The following RFTN2 variants were observed in gnomAD, a reference collection of about 807,000 sequenced individuals.
RFTN2 encodes the protein raftlin family member 2.
A neutral mutation model predicts 52.7 loss-of-function variants in RFTN2; 34 were observed. The observed-to-expected ratio is 0.64, with a 90% CI of 0.49 to 0.86. RFTN2 has a LOEUF of 0.86. Ranked by LOEUF, RFTN2 falls within the 40% of genes least tolerant of loss-of-function variation. The probability of loss-of-function intolerance (pLI) is 0.00; values close to 1 mark genes in which losing one functional copy is unlikely to be tolerated. For synonymous variants in RFTN2, 203 were observed against 217.7 expected, an observed-to-expected ratio of 0.93 and a Z score of 0.59; for missense variants, 536 against 600.1, an observed-to-expected ratio of 0.89 and a Z score of 1.12.
At chr2:197,608,225 G>A (rs1407570411) in intron 7 of RFTN2, among the ~76,000 whole-genome samples, 1 of 152,040 alleles carries the variant, frequency 6.6e-6, no homozygotes, top group South Asian at 2.1e-4. Context: ...AGGGGCTGCA[G>A]AAAATGGAAG....
Position 197,615,952 on chromosome 2 carries a change from G to T in RFTN2, c.1078C>A (p.Pro360Thr). Residue 360 changes from proline to threonine, a missense_variant, in exon 7 of 9, where the codon CCT becomes ACT. Transcript: ENST00000295049. ...EGCEIKTDYG[P>T]LLHTLAEFGW... ...AATTCAGCCAGAGTGTGCAGCAGAG[G>T]GCCATAATCTGTTTTGATTTCACAT... 1 of 1,557,114 alleles carries T rather than the reference G, an allele frequency of 6.4e-7. No homozygotes were observed. Among genetic ancestry groups the T allele is most frequent in the Non-Finnish European group, 8.7e-7 (1 of 1,148,738 alleles).
chr2:197,646,700 T>G (rs750731204), intron 1 of RFTN2, 34 bp from the exon 2 acceptor site: 1 of 1,504,274 alleles, frequency 6.6e-7, no homozygotes, highest in South Asian at 1.2e-5. Flanking sequence ...AATTTGCATA[T>G]TCTTAAGATT....
chr2:197,611,929 A>G (rs1431424747), intron 7 of RFTN2, among the ~76,000 whole-genome samples: 4 of 152,152 alleles, frequency 2.6e-5, no homozygotes, highest in South Asian at 2.1e-4. Context: ...GTTTTGAGTG[A>G]GTTTCTTAAT....
In RFTN2 at chr2:197,617,870, CCTT is replaced by C. The variant is rs768451395; in HGVS notation, c.977_979del (p.Glu326del). 4.2e-5 allele frequency: 67 copies of C among 1,608,610 alleles called. No homozygotes were observed. The Middle Eastern group carries it at 5.0e-4, about 12-fold the overall frequency. ...CCTACTAGAACCTGGAACTCCAGAA[CCTT>C]CTTCTTCATAGATAAAAAATCCTTC... On this transcript the variant is annotated inframe_deletion, in exon 6 of 9. Transcript: ENST00000295049.
chr2:197,616,904 C>T (rs2088154410), intron 6 of RFTN2, among the ~76,000 whole-genome samples: 1 of 152,006 alleles, frequency 6.6e-6, no homozygotes, highest in Non-Finnish European at 1.5e-5. Flanking sequence ...TAAAAGTATC[C>T]CTGAAACAGC....
intron 7 of RFTN2, among the ~76,000 whole-genome samples, chr2:197,599,361 C>G (rs1335988244): frequency 1.3e-5 from 2 of 152,176 alleles, no homozygotes; most frequent in Non-Finnish European, 2.9e-5. Context: ...CCAATTTATT[C>G]CTGACCTGAC....
intron 8 of RFTN2, among the ~76,000 whole-genome samples, chr2:197,590,945 G>C (rs536349310): frequency 2.6e-5 from 4 of 152,302 alleles, no homozygotes; most frequent in Admixed American, 1.3e-4. Flanking sequence ...GGGAAGACGA[G>C]CCCAGCAGGT....
intron 3 of RFTN2, among the ~76,000 whole-genome samples, chr2:197,635,010 GT>G (rs745403914): frequency 8.6e-5 from 13 of 150,686 alleles, no homozygotes; most frequent in Non-Finnish European, 1.6e-4. Context: ...TCTTGCGATA[GT>G]TTACTAAGAA....
rs1268783567 is a variant in RFTN2, at chr2:197,617,915, T to C, written c.935A>G (p.His312Arg). The C allele has an allele frequency of 6.2e-7, 1 of 1,603,692 alleles. No homozygotes were observed. Among genetic ancestry groups the C allele is most frequent in the Non-Finnish European group, 8.5e-7 (1 of 1,174,738 alleles). The change falls in exon 6 of 9, where the codon CAT becomes CGT. Residue 312 changes from histidine to arginine, a missense_variant. Physicochemically the swap from His to Arg is conservative, Grantham distance 29. Coordinates refer to ENST00000295049, the MANE Select transcript of RFTN2 (RefSeq NM_144629.3). The part of the protein sequence containing the change: ...FVFWETSKGE[H>R]LPKSLEGFFI... ...AAATCCTTCCAAAGATTTAGGCAAA[T>C]GTTCCCCTGTGAGGAAGAGGGTACA...
chr2:197,664,243 T>C (rs1163514893), intron 1 of RFTN2, among the ~76,000 whole-genome samples: 2 of 151,836 alleles, frequency 1.3e-5, no homozygotes, highest in Admixed American at 1.3e-4. Context: ...GAGGCTGAGG[T>C]GGGCAGATTG....
At chr2:197,640,737 A>G (rs2088658961) in intron 3 of RFTN2, among the ~76,000 whole-genome samples, 1 of 152,012 alleles carries the variant, frequency 6.6e-6, no homozygotes, top group South Asian at 2.1e-4. Context: ...AGCTGTTCCT[A>G]TTCGGCCATC....
chr2:197,658,575 CT>C (rs1401481791), intron 1 of RFTN2, among the ~76,000 whole-genome samples: 1 of 152,044 alleles, frequency 6.6e-6, no homozygotes, highest in Non-Finnish European at 1.5e-5. Context: ...GCATGAACCT[CT>C]GTGCCTGGCC....
At chr2:197,578,036 A>G (rs1476865479) in intron 8 of RFTN2, among the ~76,000 whole-genome samples, 1 of 152,164 alleles carries the variant, frequency 6.6e-6, no homozygotes, top group Non-Finnish European at 1.5e-5. Context: ...TCATTCTTGA[A>G]TGATGCTCTC....
intron 8 of RFTN2, among the ~76,000 whole-genome samples, chr2:197,586,369 C>T (rs2087598679): frequency 1.3e-5 from 2 of 152,188 alleles, no homozygotes. Flanking sequence ...CTAGCTGGAT[C>T]CCTAGGAGTC....
intron 1 of RFTN2, among the ~76,000 whole-genome samples, chr2:197,669,889 C>A (rs563596404): frequency 6.6e-6 from 1 of 152,182 alleles, no homozygotes; most frequent in Admixed American, 6.5e-5. Context: ...ATGCTCCTGT[C>A]CCCTCCGTAA....
At chr2:197,604,670 AT>A (rs901756316) in intron 7 of RFTN2, among the ~76,000 whole-genome samples, 1 of 152,014 alleles carries the variant, frequency 6.6e-6, no homozygotes, top group African/African-American at 2.4e-5. Context: ...GTGATATTCT[AT>A]TTTTTTGGCC....
At position 197,675,549 on chromosome 2, in the gene RFTN2, A is replaced by C; in HGVS notation, c.-91T>G. ...GCTGCAAAAAGAAAGTTACAGACTT[A>C]ACTGCTTTGATTTTGTTTTCAGCTA... On this transcript the variant is annotated 5_prime_UTR_variant, in exon 1 of 9. Coordinates refer to ENST00000295049, the MANE Select transcript of RFTN2 (RefSeq NM_144629.3). 1.9e-6 allele frequency: 1 copy of C among 532,338 alleles called. No individual in the cohort carries two copies. Among genetic ancestry groups the C allele is most frequent in the Non-Finnish European group, 2.6e-6 (1 of 383,686 alleles). 33.0% of individuals were successfully genotyped at this position (532,338 alleles called of 1,614,324 possible). A position where few individuals can be genotyped will look rare whatever the true frequency, so the allele number is the denominator to read the frequency against.
At chr2:197,626,602 A>G (rs1307369273) in intron 5 of RFTN2, among the ~76,000 whole-genome samples, 1 of 142,038 alleles carries the variant, frequency 7.0e-6, no homozygotes, top group Non-Finnish European at 1.5e-5. Context: ...TAAAATAAAA[A>G]AAAGGAATAA....
At chr2:197,632,095 A>C (rs1245901122) in intron 4 of RFTN2, among the ~76,000 whole-genome samples, 1 of 152,236 alleles carries the variant, frequency 6.6e-6, no homozygotes, top group Non-Finnish European at 1.5e-5. Context: ...TTAGAACTTA[A>C]AGGAATAGAA....
Sources: gnomAD v4.1 joint callset for allele counts (sites outside exome capture counted in the v4.1 genomes callset) on GRCh38, gnomAD v4.1.1 for gene constraint, MANE v1.5 for transcripts, NCBI Gene and HGNC (gene_info 2026-07-23, HGNC 2026-07-21) for gene names.